Variants in ZNF423 observed in about 807,000 individuals in gnomAD.
ZNF423 encodes the protein Ebf-associated zinc finger protein.
Under a neutral mutation model 95.8 loss-of-function variants are expected in ZNF423, and 12 were observed. That is an observed-to-expected ratio of 0.13 (90% confidence interval 0.08 to 0.20). The LOEUF (loss-of-function observed/expected upper bound fraction) is 0.20, where lower values mean the gene tolerates loss of function less well. Among genes scored for constraint, ZNF423 ranks in the 10% least tolerant of loss-of-function variants. The probability of loss-of-function intolerance (pLI) is 1.00; values close to 1 mark genes in which losing one functional copy is unlikely to be tolerated. For synonymous variants in ZNF423, 749 were observed against 711.9 expected, an observed-to-expected ratio of 1.05 and a Z score of -0.83; for missense variants, 1,316 against 1,737.1, an observed-to-expected ratio of 0.76 and a Z score of 4.31.
intron 5 of ZNF423, among the ~76,000 whole-genome samples, chr16:49,601,991 C>A (rs1971391554): frequency 1.3e-5 from 2 of 152,338 alleles, no homozygotes; most frequent in South Asian, 4.1e-4. Flanking sequence ...AGACTTGTTC[C>A]AGCTCTGACT....
chr16:49,792,069 G>A (rs2034425297), intron 1 of ZNF423, among the ~76,000 whole-genome samples: 1 of 151,522 alleles, frequency 6.6e-6, no homozygotes, highest in South Asian at 2.1e-4. Flanking sequence ...GGGTAGGAAG[G>A]TAGGGGTGAT....
chr16:49,555,484 C>T (rs12933502), intron 5 of ZNF423, among the ~76,000 whole-genome samples: 73,987 of 152,152 alleles, frequency 0.49, 22,082 homozygotes, highest in African/African-American at 0.85. Flanking sequence ...ATTTTGTAGA[C>T]GAAAGGGTTA....
chr16:49,737,474 T>G (rs2143456424), intron 2 of ZNF423, among the ~76,000 whole-genome samples: 1 of 152,346 alleles, frequency 6.6e-6, no homozygotes, highest in Admixed American at 6.5e-5. Flanking sequence ...TTTGCCATGT[T>G]GGCCAGGCTG....
intron 2 of ZNF423, among the ~76,000 whole-genome samples, chr16:49,738,095 A>C (rs2033330994): frequency 6.6e-6 from 1 of 152,128 alleles, no homozygotes; most frequent in Non-Finnish European, 1.5e-5. Context: ...ACACGCACTC[A>C]CCCATTCTTT....
At chr16:49,675,122 G>T (rs1389917121) in intron 3 of ZNF423, among the ~76,000 whole-genome samples, 1 of 152,174 alleles carries the variant, frequency 6.6e-6, no homozygotes. Context: ...TGGAAACAAA[G>T]TCAACATTTA....
chr16:49,659,176 C>T (rs2030063045), intron 3 of ZNF423, among the ~76,000 whole-genome samples: 1 of 152,192 alleles, frequency 6.6e-6, no homozygotes, highest in Admixed American at 6.5e-5. Context: ...GTGGCCTCAA[C>T]CTCCTAGGCT....
At chr16:49,778,143 C>A (rs1312143181) in intron 2 of ZNF423, among the ~76,000 whole-genome samples, 1 of 152,134 alleles carries the variant, frequency 6.6e-6, no homozygotes, top group East Asian at 1.9e-4. Flanking sequence ...ATTTTTTGAA[C>A]CAGAGAGGCA....
In ZNF423 at chr16:49,638,291, C is replaced by A; in HGVS notation, c.885G>T (p.Pro295=). 1 of 1,613,664 alleles carries A rather than the reference C, an allele frequency of 6.2e-7. No homozygotes were observed. The highest frequency in any genetic ancestry group is 8.5e-7 in the Non-Finnish European group (1 of 1,180,042). The change falls in exon 4 of 8, where the codon CCG becomes CCT. Residue 295 remains proline (P), a synonymous_variant. Coordinates refer to ENST00000563137, the MANE Select transcript of ZNF423 (RefSeq NM_001379286.1). The surrounding 1 kb of genome is among the most constrained non-coding windows in gnomAD (Gnocchi z 5.6). ...ELEKHVLTRH[P]QLSEKADLQC... ...GCAGGTCCGCCTTCTCGGACAGCTG[C>A]GGGTGGCGGGTGAGCACGTGCTTCT...
chr16:49,697,700 A>C (rs2032024717), intron 3 of ZNF423, among the ~76,000 whole-genome samples: 1 of 152,228 alleles, frequency 6.6e-6, no homozygotes, highest in Non-Finnish European at 1.5e-5. Context: ...GTGCAGTGGG[A>C]TGGGCAGGAG....
intron 4 of ZNF423, among the ~76,000 whole-genome samples, chr16:49,627,579 C>T (rs1972341098): frequency 6.7e-6 from 1 of 149,510 alleles, no homozygotes. Flanking sequence ...CATCCTCCAT[C>T]TACCCATCCA....
At chr16:49,491,381 T>TA in intron 7 of ZNF423, 77 bp from the exon 8 acceptor site, 1 of 1,565,794 alleles carries the variant, frequency 6.4e-7, no homozygotes, top group Non-Finnish European at 8.8e-7. Flanking sequence ...TCAGTGCATT[T>TA]ACGCCGGGAG....
chr16:49,670,637 C>T (rs78703088), intron 3 of ZNF423, among the ~76,000 whole-genome samples: 13,867 of 152,068 alleles, frequency 0.091, 732 homozygotes, highest in Middle Eastern at 0.16. Context: ...ATCTCGGGGA[C>T]GCCTCTGTTG....
At chr16:49,781,055 A>C (rs1161974340) in intron 2 of ZNF423, among the ~76,000 whole-genome samples, 1 of 152,212 alleles carries the variant, frequency 6.6e-6, no homozygotes, top group Non-Finnish European at 1.5e-5. Flanking sequence ...TGGGTGGGAC[A>C]TCCCACAGGT....
chr16:49,842,881 A>C (rs998282890), intron 1 of ZNF423, among the ~76,000 whole-genome samples: 1 of 151,100 alleles, frequency 6.6e-6, no homozygotes, highest in African/African-American at 2.4e-5. Context: ...CGGGAGGCTG[A>C]GGCAGGAGAA....
intron 3 of ZNF423, chr16:49,664,419 G>A: frequency 2.2e-6 from 1 of 456,640 alleles, no homozygotes. Context: ...CAGGGCTCAG[G>A]CCACGCGGCC....
Position 49,635,547 on chromosome 16 carries a change from G to A in ZNF423, c.3516+113C>T. The A allele has an allele frequency of 7.2e-7, 1 of 1,393,228 alleles. No individual in the cohort carries two copies. The highest frequency in any genetic ancestry group is 1.6e-5 in the South Asian group (1 of 63,700). 86.3% of individuals were successfully genotyped at this position (1,393,228 alleles called of 1,614,324 possible). On this transcript the variant is annotated intron_variant, in intron 4 of 7. Coordinates refer to ENST00000563137, the MANE Select transcript of ZNF423 (RefSeq NM_001379286.1). The surrounding 1 kb of genome is among the most constrained non-coding windows in gnomAD (Gnocchi z 4.8). ...AGCACAGCAGTTCTGTTTTGCCACTGCGCGATAGCGCCGCTTCTTGGAAAC... is the reference window on the plus strand; with the variant it reads ...AGCACAGCAGTTCTGTTTTGCCACTACGCGATAGCGCCGCTTCTTGGAAAC...
intron 5 of ZNF423, among the ~76,000 whole-genome samples, chr16:49,536,450 G>A (rs866982502): frequency 1.2e-5 from 1 of 85,648 alleles, no homozygotes; most frequent in Admixed American, 1.2e-4. Context: ...TTTTTTTTTT[G>A]GTTTTTTTTC....
At chr16:49,672,654 A>G (rs2030866114) in intron 3 of ZNF423, among the ~76,000 whole-genome samples, 1 of 152,134 alleles carries the variant, frequency 6.6e-6, no homozygotes, top group Non-Finnish European at 1.5e-5. Flanking sequence ...TGTCTCTACT[A>G]AAAATACAAA....
chr16:49,566,428 G>A (rs971371249), intron 5 of ZNF423, among the ~76,000 whole-genome samples: 1 of 152,136 alleles, frequency 6.6e-6, no homozygotes, highest in African/African-American at 2.4e-5. Flanking sequence ...CACCCCACCT[G>A]CAGCCCAGCC....
Sources: allele counts gnomAD v4.1 joint callset (sites outside exome capture counted in the v4.1 genomes callset), GRCh38; gene constraint gnomAD v4.1.1; non-coding constraint Gnocchi (gnomAD v3.1); transcripts MANE v1.5; gene names NCBI Gene and HGNC (gene_info 2026-07-23, HGNC 2026-07-21).